The following PNO1 variants were observed in gnomAD, a reference collection of about 807,000 sequenced individuals.
PNO1 encodes partner of NOB1 homolog.
PNO1 carries 16 observed loss-of-function variants against 28.4 expected under a neutral mutation model. The observed-to-expected ratio is 0.56, with a 90% CI of 0.38 to 0.85. The LOEUF is 0.85. Ranked by LOEUF, PNO1 falls within the 40% of genes least tolerant of loss-of-function variation. The pLI is 0.00. For missense variants in PNO1, 304 were observed against 312.2 expected (o/e 0.97, Z 0.20); for synonymous variants, 115 against 110.8 (o/e 1.04, Z -0.24).
chr2:68,159,268 GTGTGTGTGTGTA>G (rs1039778501), intron 2 of PNO1, among the ~76,000 whole-genome samples: 10 of 151,420 alleles, frequency 6.6e-5, no homozygotes, highest in African/African-American at 2.2e-4. Context: ...GTGTGTGTGT[GTGTGTGTGTGTA>G]TATATATCTT....
At position 68,157,942 on chromosome 2, in the gene PNO1, C is replaced by T. The variant is rs552250061; in HGVS notation, c.8C>T (p.Ser3Phe). ...GCTTTAAGATTTCCGGGGATGGAAT[C>T]CGAAATGGAAACGCAGAGCGCCAGG... ME[S>F]EMETQSARAE... Residue 3 changes from serine to phenylalanine, a missense_variant, in exon 1 of 7, where the codon TCC becomes TTC. Transcript: ENST00000263657. The T allele has an allele frequency of 3.8e-5, 61 of 1,613,914 alleles. No individual in the cohort carries two copies. In the Admixed American group the frequency reaches 1.0e-3, roughly 27 times the overall value.
At chr2:68,168,256 G>T (rs954001787) in intron 5 of PNO1, among the ~76,000 whole-genome samples, 3 of 152,214 alleles carry the variant, frequency 2.0e-5, no homozygotes, top group Non-Finnish European at 2.9e-5. Context: ...TGGTCGCTTT[G>T]GGGTGGAGAC....
intron 5 of PNO1, among the ~76,000 whole-genome samples, chr2:68,165,342 C>T (rs1470741322): frequency 2.4e-4 from 31 of 131,160 alleles, no homozygotes; most frequent in Non-Finnish European, 4.2e-4. Context: ...CCAGCCTGGG[C>T]GACAGAGCGA....
intron 5 of PNO1, among the ~76,000 whole-genome samples, chr2:68,164,392 G>A (rs971566194): frequency 1.3e-5 from 2 of 152,124 alleles, no homozygotes; most frequent in Non-Finnish European, 2.9e-5. Context: ...TTGGGAGGCC[G>A]AAGTGGGAGG....
chr2:68,167,533 C>T (rs1674025355), intron 5 of PNO1, among the ~76,000 whole-genome samples: 1 of 152,224 alleles, frequency 6.6e-6, no homozygotes, highest in African/African-American at 2.4e-5. Flanking sequence ...ATAAACCTGA[C>T]TGCATTTGCA....
chr2:68,161,820 C>T, intron 3 of PNO1, 54 bp downstream of exon 3: 3 of 1,117,072 alleles, frequency 2.7e-6, no homozygotes, highest in Non-Finnish European at 4.1e-6. Context: ...TCAATGTGAA[C>T]ATTTCAATGG....
Position 68,162,308 on chromosome 2 carries a change from CTT to C in PNO1, c.488_489del (p.Phe163Ter). 1 of 1,612,358 alleles carries C rather than the reference CTT, an allele frequency of 6.2e-7. No homozygotes were observed. Among genetic ancestry groups the C allele is most frequent in the Non-Finnish European group, 8.5e-7 (1 of 1,178,782 alleles). On this transcript the variant is annotated frameshift_variant, in exon 4 of 7. Transcript: ENST00000263657. LOFTEE classifies it high-confidence loss of function. ...AGGTTGGATGACCTCTTCCTAGAGT[CTT>C]TTGAAATTACAGATGGTGAGTGTGT...
At chr2:68,169,710 G>A (rs1465283904) in intron 5 of PNO1, among the ~76,000 whole-genome samples, 5 of 152,034 alleles carry the variant, frequency 3.3e-5, no homozygotes, top group Non-Finnish European at 5.9e-5. Flanking sequence ...TATATTTTAC[G>A]GTAGTAAATA....
intron 6 of PNO1, among the ~76,000 whole-genome samples, chr2:68,174,135 GGAT>G (rs1674206938): frequency 1.3e-5 from 2 of 152,194 alleles, no homozygotes; most frequent in African/African-American, 4.8e-5. Context: ...AAGAGTTGCA[GGAT>G]CTTAGCGGCT....
At chr2:68,165,149 G>T (rs1673943388) in intron 5 of PNO1, among the ~76,000 whole-genome samples, 1 of 151,866 alleles carries the variant, frequency 6.6e-6, no homozygotes, top group South Asian at 2.1e-4. Flanking sequence ...CGGATCACGA[G>T]GTCAGGAGAT....
Position 68,162,329 on chromosome 2 carries a change from A to T in PNO1, c.502+4A>T. ...GAGTCTTTTGAAATTACAGATGGTG[A>T]GTGTGTGTTGGTCTGCGCTCTTGTG... is the stretch of plus-strand genomic sequence containing the variant. On this transcript the variant is annotated splice_donor_region_variant and intron_variant, in intron 4 of 6. Transcript: ENST00000263657. 1 of 1,602,544 alleles carries T rather than the reference A, an allele frequency of 6.2e-7. No individual in the cohort carries two copies. The highest frequency in any genetic ancestry group is 8.5e-7 in the Non-Finnish European group (1 of 1,173,436).
chr2:68,161,884 C>T, intron 3 of PNO1, 118 bp downstream of exon 3: 2 of 691,160 alleles, frequency 2.9e-6, no homozygotes, highest in South Asian at 3.4e-5. Context: ...CCTGTAATCT[C>T]AGCACTCTGG....
chr2:68,173,809 C>T (rs1461476157), intron 6 of PNO1, among the ~76,000 whole-genome samples: 1 of 151,944 alleles, frequency 6.6e-6, no homozygotes, highest in Non-Finnish European at 1.5e-5. Flanking sequence ...TCTCGAACTC[C>T]TGACCTTGTG....
chr2:68,172,924 A>G (rs1674167864), intron 5 of PNO1, among the ~76,000 whole-genome samples: 1 of 152,292 alleles, frequency 6.6e-6, no homozygotes, highest in Admixed American at 6.5e-5. Context: ...TTCATATACC[A>G]TAAAATTCAC....
chr2:68,173,407 C>T lies in PNO1; in HGVS notation c.681C>T (p.Asn227=). Residue 227 remains asparagine (N), a synonymous_variant, in exon 6 of 7, where the codon AAC becomes AAT. Coordinates refer to ENST00000263657, the MANE Select transcript of PNO1 (RefSeq NM_020143.4). ...AGATGGCAAGAACTGCCATTTGCAA[C>T]CTAATCTTGGGTAATAGCAGTTTCT... The part of the protein sequence containing the change: ...NIKMARTAIC[N]LILGNPPSKV... 2 of 1,592,922 alleles carry T rather than the reference C, an allele frequency of 1.3e-6. No homozygotes were observed. Among genetic ancestry groups the T allele is most frequent in the Non-Finnish European group, 1.7e-6 (2 of 1,160,918 alleles).
intron 1 of PNO1, 113 bp from the exon 2 acceptor site, chr2:68,158,267 C>A: frequency 1.5e-6 from 2 of 1,369,184 alleles, no homozygotes; most frequent in Non-Finnish European, 2.0e-6. Flanking sequence ...AGAAGTGATT[C>A]TTTGAAGTGT....
intron 3 of PNO1, 121 bp from the exon 4 acceptor site, chr2:68,162,144 G>GGA: frequency 1.7e-6 from 1 of 597,232 alleles, no homozygotes. Context: ...GTCTCCAAGG[G>GGA]AAAAAAAAAA....
Position 68,165,230 on chromosome 2 carries a change from G to A in PNO1, c.620+2567G>A, listed in dbSNP as rs574681023. Among the ~76,000 whole-genome samples the A allele has an allele frequency of 7.9e-5, 12 of 151,138 alleles. 1 individual carries two copies. In the South Asian group the frequency reaches 2.3e-3, roughly 29 times the overall value. On this transcript the variant is annotated intron_variant, in intron 5 of 6. Coordinates refer to ENST00000263657, the MANE Select transcript of PNO1 (RefSeq NM_020143.4). ...ATACAAAAAATTAGCCGGGCGTAGT[G>A]GCGGGCGCCTGTAGTCCCAGCTACT...
intron 5 of PNO1, among the ~76,000 whole-genome samples, chr2:68,170,983 G>A (rs1053963017): frequency 7.3e-4 from 111 of 152,066 alleles, no homozygotes; most frequent in African/African-American, 2.6e-3. Context: ...CACACACTCA[G>A]CCTTTCTGTC....
Sources: gnomAD v4.1 joint callset for allele counts (sites outside exome capture counted in the v4.1 genomes callset) on GRCh38, gnomAD v4.1.1 for gene constraint, MANE v1.5 for transcripts, NCBI Gene and HGNC (gene_info 2026-07-23, HGNC 2026-07-21) for gene names.